The following ZNF624 variants were observed in gnomAD, a reference collection of about 807,000 sequenced individuals.
ZNF624 encodes the protein zinc finger protein 624.
In ZNF624, 43 loss-of-function variants were observed where a neutral mutation model predicts 74.7. That is an observed-to-expected ratio of 0.58 (90% CI 0.45 to 0.74). The LOEUF (loss-of-function observed/expected upper bound fraction) is 0.74, where lower values mean the gene tolerates loss of function less well. Ranked by LOEUF, ZNF624 falls within the 30% of genes least tolerant of loss-of-function variation. ZNF624 has a pLI of 0.00. For synonymous variants in ZNF624, 331 were observed against 341.3 expected (o/e 0.97, Z 0.33); for missense variants, 820 against 1,030.0 (o/e 0.80, Z 2.79).
the ZNF624 span, among the ~76,000 whole-genome samples, chr17:16,615,730 G>A: frequency 6.6e-6 from 1 of 151,668 alleles, no homozygotes; most frequent in Admixed American, 6.6e-5. Flanking sequence ...TTTAGATTCT[G>A]GGAAAAAGGC....
intron 3 of ZNF624, among the ~76,000 whole-genome samples, chr17:16,642,272 T>G (rs1909484980): frequency 6.6e-6 from 1 of 152,282 alleles, no homozygotes; most frequent in South Asian, 2.1e-4. Context: ...TTTCCAAAAC[T>G]TAGTTCAAAG....
At position 16,621,775 on chromosome 17, in the gene ZNF624, T is replaced by A. The variant is rs1908918995; in HGVS notation, c.*513A>T. On this transcript the variant is annotated 3_prime_UTR_variant, in exon 6 of 6. Coordinates refer to ENST00000311331, the MANE Select transcript of ZNF624 (RefSeq NM_020787.4). ...AAAAACACATTTAGGATACTACGTA[T>A]AACCTAGGGATTAAGGAGATCTCTT... 6.6e-6 allele frequency: 1 copy of A among 152,438 alleles called. No individual in the cohort carries two copies. Among genetic ancestry groups the A allele is most frequent in the Admixed American group, 6.5e-5 (1 of 15,296 alleles). 9.4% of individuals were successfully genotyped at this position (152,438 alleles called of 1,614,324 possible). A position where few individuals can be genotyped will look rare whatever the true frequency, so the allele number is the denominator to read the frequency against.
intron 5 of ZNF624, among the ~76,000 whole-genome samples, chr17:16,633,441 T>C (rs1430411233): frequency 6.6e-6 from 1 of 152,114 alleles, no homozygotes; most frequent in African/African-American, 2.4e-5. Flanking sequence ...AACTAAATAA[T>C]GAGTAAATAA....
chr17:16,629,035 T>C (rs1306229103), intron 5 of ZNF624, among the ~76,000 whole-genome samples: 1 of 151,540 alleles, frequency 6.6e-6, no homozygotes, highest in African/African-American at 2.4e-5. Flanking sequence ...CCATCTCTAC[T>C]AAAAATACAA....
chr17:16,623,583 G>A lies in ZNF624; in HGVS notation c.1303C>T (p.Gln435Ter). 1 of 1,611,684 alleles carries A rather than the reference G, an allele frequency of 6.2e-7. No individual in the cohort carries two copies. Among genetic ancestry groups the A allele is most frequent in the Non-Finnish European group, 8.5e-7 (1 of 1,179,266 alleles). ...FRNKSYLSVH[Q>*]KTHTEEKPYQ... ...GGTTTCTCTTCAGTGTGGGTCTTCTGATGTACACTAAGATATGACTTGTTC... is the reference window on the plus strand; with the variant it reads ...GGTTTCTCTTCAGTGTGGGTCTTCTAATGTACACTAAGATATGACTTGTTC... The change falls in exon 6 of 6, where the codon CAG becomes TAG. Residue 435 changes from glutamine (Q) to a stop codon, truncating the protein, a stop_gained. Transcript: ENST00000311331. LOFTEE classifies it high-confidence loss of function. This position sits in a 1 kb window ranked among gnomAD's most constrained non-coding sequence, Gnocchi z 5.3.
chr17:16,625,522 T>C (rs1041790671), intron 5 of ZNF624, among the ~76,000 whole-genome samples: 2 of 152,202 alleles, frequency 1.3e-5, no homozygotes, highest in African/African-American at 4.8e-5. Flanking sequence ...CTAGCTTTGT[T>C]GTGAGGGCTT....
chr17:16,630,408 T>C (rs1438233401), intron 5 of ZNF624, among the ~76,000 whole-genome samples: 1 of 151,832 alleles, frequency 6.6e-6, no homozygotes, highest in Admixed American at 6.6e-5. Flanking sequence ...AATACAAAAA[T>C]TAGCTGGGCA....
intron 5 of ZNF624, among the ~76,000 whole-genome samples, chr17:16,625,087 A>G (rs1909038378): frequency 6.6e-6 from 1 of 150,956 alleles, no homozygotes; most frequent in Non-Finnish European, 1.5e-5. Context: ...TTTAGATGGT[A>G]TTCTTCAACT....
chr17:16,617,683 C>CG (rs1411176417), downstream of ZNF624: 4 of 1,604,728 alleles, frequency 2.5e-6, no homozygotes, highest in Non-Finnish European at 3.4e-6. Context: ...GCGTGCTCTA[C>CG]GATCACGCGC....
rs1014908187 is a variant in ZNF624 at position 16,621,113 on chromosome 17, T to G, written c.*1175A>C. 8 of 152,144 alleles carry G rather than the reference T, an allele frequency of 5.3e-5. No individual in the cohort carries two copies. Among genetic ancestry groups the G allele is most frequent in the Non-Finnish European group, 1.2e-4 (8 of 68,032 alleles). The allele number at this position is 152,144 out of a possible 1,614,324, so 9.4% of individuals were successfully genotyped here. ...CACACATAAACACAAAATAAATGGG[T>G]GTGATTATTTTAACAAAAATGATAT... On this transcript the variant is annotated 3_prime_UTR_variant, in exon 6 of 6. Transcript: ENST00000311331.
rs1461595238 is a variant in ZNF624 at position 16,621,095 on chromosome 17, A to G, written c.*1193T>C. Reference sequence around the variant, plus strand: ...TGCATCTAACCACACACACACACATAAACACAAAATAAATGGGTGTGATTA... The same window carrying G: ...TGCATCTAACCACACACACACACATGAACACAAAATAAATGGGTGTGATTA... On this transcript the variant is annotated 3_prime_UTR_variant, in exon 6 of 6. Transcript: ENST00000311331. 1 of 152,220 alleles carries G rather than the reference A, an allele frequency of 6.6e-6. No homozygotes were observed. The highest frequency in any genetic ancestry group is 1.5e-5 in the Non-Finnish European group (1 of 68,034). 9.4% of individuals were successfully genotyped at this position (152,220 alleles called of 1,614,324 possible). A position where few individuals can be genotyped will look rare whatever the true frequency, so the allele number is the denominator to read the frequency against.
chr17:16,625,802 G>T (rs2142577346), intron 5 of ZNF624, among the ~76,000 whole-genome samples: 2 of 152,076 alleles, frequency 1.3e-5, no homozygotes, highest in Admixed American at 1.3e-4. Context: ...GTCTTACAAT[G>T]TGTTTGTGTA....
intron 3 of ZNF624, among the ~76,000 whole-genome samples, chr17:16,636,692 C>T (rs1031933953): frequency 1.3e-4 from 20 of 152,050 alleles, no homozygotes; most frequent in African/African-American, 4.8e-4. Context: ...AAAAATTAGC[C>T]GGGTGTGGTG....
At chr17:16,617,022 A>T, downstream of ZNF624, 2 of 1,608,218 alleles carry the variant, frequency 1.2e-6, no homozygotes, top group Non-Finnish European at 1.7e-6. Flanking sequence ...ACTTTGTATG[A>T]CCCTTTCCAT....
chr17:16,631,187 G>T (rs8074285), intron 5 of ZNF624, among the ~76,000 whole-genome samples: 35,527 of 151,832 alleles, frequency 0.23, 4,652 homozygotes, highest in East Asian at 0.36. Flanking sequence ...TATCACAATA[G>T]AAATTATAAA....
At position 16,634,751 on chromosome 17, in the gene ZNF624, C is replaced by A; in HGVS notation, c.159G>T (p.Ser53=). The A allele has an allele frequency of 6.2e-7, 1 of 1,611,182 alleles. No homozygotes were observed. The highest frequency in any genetic ancestry group is 1.1e-5 in the South Asian group (1 of 90,586). ...CTATAGCCACATCCTTAAATGTCACCGATTCCTAAAACAATTACATTGTGA... is the reference window on the plus strand; with the variant it reads ...CTATAGCCACATCCTTAAATGTCACAGATTCCTAAAACAATTACATTGTGA... ...QAEETQLVKE[S]VTFKDVAIDF... is the part of the protein sequence containing the mutation. Residue 53 remains serine (S), a synonymous_variant, in exon 4 of 6, where the codon TCG becomes TCT. Coordinates refer to ENST00000311331, the MANE Select transcript of ZNF624 (RefSeq NM_020787.4).
At chr17:16,652,038 T>C (rs771690521) in intron 1 of ZNF624, among the ~76,000 whole-genome samples, 2 of 150,930 alleles carry the variant, frequency 1.3e-5, no homozygotes, top group Non-Finnish European at 3.0e-5. Context: ...GGGAGGGGGG[T>C]GGAGAATAAG....
the ZNF624 span, among the ~76,000 whole-genome samples, chr17:16,614,962 T>C: frequency 0.23 from 35,245 of 152,066 alleles, 4,551 homozygotes; most frequent in East Asian, 0.35. Context: ...AAAGGACAAA[T>C]ACTGTATGAT....
At chr17:16,637,626 A>G (rs889347109) in intron 3 of ZNF624, among the ~76,000 whole-genome samples, 5 of 152,164 alleles carry the variant, frequency 3.3e-5, no homozygotes, top group South Asian at 4.1e-4. Flanking sequence ...AAAGGATTCC[A>G]TATTTAAAAA....
Sources: allele counts gnomAD v4.1 joint callset (sites outside exome capture counted in the v4.1 genomes callset), GRCh38; gene constraint gnomAD v4.1.1; non-coding constraint Gnocchi (gnomAD v3.1); transcripts MANE v1.5; gene names NCBI Gene and HGNC (gene_info 2026-07-23, HGNC 2026-07-21).